ATL2: variants seen among roughly 807,000 people sequenced by gnomAD.
ATL2 encodes atlastin GTPase 2, also known as atlastin-2.
Under a neutral mutation model 73.9 loss-of-function variants are expected in ATL2, and 31 were observed. The observed-to-expected ratio is 0.42, with a 90% CI of 0.32 to 0.57. The LOEUF (loss-of-function observed/expected upper bound fraction) is 0.57, where lower values mean the gene tolerates loss of function less well. ATL2 is among the 20% of genes least tolerant of loss of function. The probability of loss-of-function intolerance (pLI) is 0.14; values close to 1 mark genes in which losing one functional copy is unlikely to be tolerated. For missense variants in ATL2, 738 were observed against 702.6 expected, an observed-to-expected ratio of 1.05 and a Z score of -0.57; for synonymous variants, 291 against 237.5, an observed-to-expected ratio of 1.23 and a Z score of -2.07.
intron 2 of ATL2, among the ~76,000 whole-genome samples, chr2:38,341,758 T>G (rs1669732529): frequency 6.6e-6 from 1 of 152,224 alleles, no homozygotes; most frequent in African/African-American, 2.4e-5. Flanking sequence ...CAGGTATATT[T>G]GAGAAAGCCT....
At chr2:38,315,923 T>A (rs559714784) in intron 4 of ATL2, among the ~76,000 whole-genome samples, 1 of 152,302 alleles carries the variant, frequency 6.6e-6, no homozygotes, top group South Asian at 2.1e-4. Flanking sequence ...TAACAGTAGG[T>A]GGCACTCTTG....
chr2:38,362,303 T>C (rs1312119509), intron 1 of ATL2, among the ~76,000 whole-genome samples: 1 of 152,224 alleles, frequency 6.6e-6, no homozygotes, highest in Admixed American at 6.5e-5. Context: ...TAACCCTTCC[T>C]TACCAGACAT....
intron 1 of ATL2, among the ~76,000 whole-genome samples, chr2:38,348,948 A>T (rs1473621347): frequency 6.6e-6 from 1 of 152,152 alleles, no homozygotes; most frequent in Non-Finnish European, 1.5e-5. Flanking sequence ...GCCATCAGAG[A>T]AACGCAAATC....
At chr2:38,338,034 C>T (rs574093348) in intron 2 of ATL2, among the ~76,000 whole-genome samples, 3 of 152,154 alleles carry the variant, frequency 2.0e-5, no homozygotes, top group South Asian at 4.1e-4. Flanking sequence ...ACTACAACAG[C>T]GAGACGTGAC....
At chr2:38,342,203 T>C (rs2124404872) in intron 2 of ATL2, among the ~76,000 whole-genome samples, 1 of 151,684 alleles carries the variant, frequency 6.6e-6, no homozygotes, top group South Asian at 2.1e-4. Flanking sequence ...AAAGTGAAAA[T>C]GTATAGAAGG....
rs1666934099 is a variant in ATL2 at position 38,297,045 on chromosome 2, G to GT, written c.1633-933dup. On this transcript the variant is annotated intron_variant, in intron 12 of 12. Coordinates refer to ENST00000378954, the MANE Select transcript of ATL2 (RefSeq NM_001135673.4). ...GAAGATATCAAAGAAACATCAAGTA[G>GT]TGAGATTGAGATAAAAATTTAAATA... Among the ~76,000 whole-genome samples, 3 of 152,176 alleles carry GT rather than the reference G, an allele frequency of 2.0e-5. No homozygotes were observed. In the South Asian group the frequency reaches 6.2e-4, roughly 32 times the overall value.
In ATL2 at chr2:38,313,205, A is replaced by G. The variant is rs1254300038; in HGVS notation, c.750T>C (p.Tyr250=). ...CACCTTCCAAACCATATGAATGTTCATAAGGATAGCTCCAATCTCGAATCA... is the reference window on the plus strand; with the variant it reads ...CACCTTCCAAACCATATGAATGTTCGTAAGGATAGCTCCAATCTCGAATCA... ...MFLIRDWSYP[Y]EHSYGLEGGK... The change falls in exon 7 of 13, where the codon TAT becomes TAC. Residue 250 remains tyrosine (Y), a synonymous_variant. Transcript: ENST00000378954. The G allele has an allele frequency of 2.5e-6, 4 of 1,613,486 alleles. No individual in the cohort carries two copies. Among genetic ancestry groups the G allele is most frequent in the African/African-American group, 1.3e-5 (1 of 74,916 alleles).
intron 10 of ATL2, among the ~76,000 whole-genome samples, chr2:38,300,023 G>A (rs1402961541): frequency 2.0e-5 from 3 of 152,112 alleles, no homozygotes; most frequent in African/African-American, 7.2e-5. Context: ...TATACTTTGA[G>A]CATCTGAAGA....
At chr2:38,334,174 C>T (rs1669168230) in intron 2 of ATL2, among the ~76,000 whole-genome samples, 1 of 151,584 alleles carries the variant, frequency 6.6e-6, no homozygotes, top group Admixed American at 6.6e-5. Flanking sequence ...AGATTACAGG[C>T]ACCTGCCACC....
chr2:38,342,594 T>C (rs1669787477), intron 2 of ATL2, among the ~76,000 whole-genome samples: 1 of 152,170 alleles, frequency 6.6e-6, no homozygotes, highest in Admixed American at 6.5e-5. Context: ...CCAAAGGTAA[T>C]AGTCACTAAA....
At chr2:38,319,475 TGTAGTCCCGGCTACTCAGCAG>T (rs1458121342) in intron 2 of ATL2, among the ~76,000 whole-genome samples, 1 of 151,902 alleles carries the variant, frequency 6.6e-6, no homozygotes, top group African/African-American at 2.4e-5. Flanking sequence ...GGCACACTCC[TGTAGTCCCGGCTACTCAGCAG>T]GCTGAGGTAG....
At chr2:38,314,691 T>C (rs1294540870) in intron 5 of ATL2, 27 bp from the exon 6 acceptor site, 2 of 1,469,946 alleles carry the variant, frequency 1.4e-6, no homozygotes, top group Non-Finnish European at 1.9e-6. Flanking sequence ...GTTAAAATAA[T>C]GCCTCTAAAG....
At chr2:38,318,672 A>AAC (rs775672729) in intron 3 of ATL2, 33 bp from the exon 4 acceptor site, 1 of 1,511,020 alleles carries the variant, frequency 6.6e-7, no homozygotes, top group South Asian at 1.2e-5. Flanking sequence ...TATTTAGTAA[A>AAC]ACAGTTGCCA....
chr2:38,298,585 CAG>C lies in ATL2; in HGVS notation c.1201-12_1201-11del. On this transcript the variant is annotated splice_polypyrimidine_tract_variant and intron_variant, in intron 11 of 12. Coordinates refer to ENST00000378954, the MANE Select transcript of ATL2 (RefSeq NM_001135673.4). ...TGTCCCCTCCACATACCTGGACAGA[CAG>C]AATTACAGTATTACATGCTAGAAAT... The C allele has an allele frequency of 6.2e-7, 1 of 1,602,456 alleles. No individual in the cohort carries two copies. The highest frequency in any genetic ancestry group is 8.5e-7 in the Non-Finnish European group (1 of 1,174,184).
Position 38,300,252 on chromosome 2 carries a change from ATCAC to A in ATL2, c.1128+16_1128+19del, listed in dbSNP as rs1242746853. 3 of 1,555,820 alleles carry A rather than the reference ATCAC, an allele frequency of 1.9e-6. No individual in the cohort carries two copies. The highest frequency in any genetic ancestry group is 1.1e-5 in the South Asian group (1 of 89,634). On this transcript the variant is annotated intron_variant, in intron 10 of 12. Transcript: ENST00000378954. ...ATAAATAAGTATATGTACAACACAT[ATCAC>A]TCTCTCTCTCTCTACCTGAAGCATG...
At chr2:38,366,926 T>C (rs1278296278) in intron 1 of ATL2, among the ~76,000 whole-genome samples, 2 of 152,188 alleles carry the variant, frequency 1.3e-5, no homozygotes, top group East Asian at 3.9e-4. Flanking sequence ...AGCCCCTTCA[T>C]GTCCTACCCT....
chr2:38,330,896 C>A (rs759556905), intron 2 of ATL2, among the ~76,000 whole-genome samples: 1 of 152,126 alleles, frequency 6.6e-6, no homozygotes, highest in Non-Finnish European at 1.5e-5. Flanking sequence ...TATGGGATTG[C>A]AAGGAACCCA....
chr2:38,368,641 A>G (rs1462069107), intron 1 of ATL2, among the ~76,000 whole-genome samples: 1 of 152,266 alleles, frequency 6.6e-6, no homozygotes, highest in Non-Finnish European at 1.5e-5. Flanking sequence ...TTATTTAAGA[A>G]AAACATGAAA....
chr2:38,315,606 G>A (rs940719355), intron 4 of ATL2, among the ~76,000 whole-genome samples: 6 of 152,138 alleles, frequency 3.9e-5, no homozygotes, highest in Admixed American at 6.5e-5. Context: ...AGAAGAACAA[G>A]TGTGGTATCT....
Sources: allele counts gnomAD v4.1 joint callset (sites outside exome capture counted in the v4.1 genomes callset), GRCh38; gene constraint gnomAD v4.1.1; transcripts MANE v1.5; gene names NCBI Gene and HGNC (gene_info 2026-07-23, HGNC 2026-07-21).